MCC: variants seen among roughly 807,000 people sequenced by gnomAD.
MCC encodes the protein colorectal mutant cancer protein.
A neutral mutation model predicts 116.2 loss-of-function variants in MCC; 90 were observed. The ratio of observed to expected loss-of-function variants is 0.77; its 90% CI spans 0.65 to 0.92. The LOEUF is 0.92. Ranked by LOEUF, MCC falls within the 40% of genes least tolerant of loss-of-function variation. The pLI is 0.00. For synonymous variants in MCC, 578 were observed against 510.5 expected (o/e 1.13, Z -1.78); for missense variants, 1,516 against 1,312.2 (o/e 1.16, Z -2.40).
chr5:113,248,832 C>CTTTTTTTTTTTTTT (rs1269527611), intron 3 of MCC, among the ~76,000 whole-genome samples: 162 of 138,178 alleles, frequency 1.2e-3, no homozygotes, highest in Admixed American at 1.7e-3. Flanking sequence ...TCTCTCTCTT[C>CTTTTTTTTTTTTTT]TTTTTTTTTT....
At chr5:113,295,069 C>T (rs1009730077) in intron 3 of MCC, 10 of 406,986 alleles carry the variant, frequency 2.5e-5, no homozygotes, top group Non-Finnish European at 2.6e-5. Flanking sequence ...GCTGGGAGAG[C>T]AGAGCAGGCA....
rs777544205 is a variant in MCC at position 113,434,867 on chromosome 5, G to A, written c.171-49655C>T. 1 of 1,590,220 alleles carries A rather than the reference G, an allele frequency of 6.3e-7. No individual in the cohort carries two copies. On this transcript the variant is annotated intron_variant, in intron 1 of 18. Coordinates refer to ENST00000408903, the MANE Select transcript of MCC (RefSeq NM_001085377.2). The surrounding 1 kb of genome is among the most constrained non-coding windows in gnomAD (Gnocchi z 4.2). The stretch of plus-strand genomic sequence containing the variant: ...TGCCAGGAATGCCCAGTGCCTCTGA[G>A]GCTGCCCTCTACAGCCCCGAGGCGC...
At chr5:113,365,241 G>A (rs1768657849) in intron 2 of MCC, among the ~76,000 whole-genome samples, 1 of 152,104 alleles carries the variant, frequency 6.6e-6, no homozygotes, top group Admixed American at 6.5e-5. Flanking sequence ...CATCTTGAAT[G>A]CCTTGTTGCT....
intron 11 of MCC, among the ~76,000 whole-genome samples, chr5:113,075,175 C>T (rs1373037158): frequency 6.6e-6 from 1 of 152,230 alleles, no homozygotes; most frequent in African/African-American, 2.4e-5. Flanking sequence ...GGGCTTAGCA[C>T]CCGGGCCAGC....
intron 3 of MCC, among the ~76,000 whole-genome samples, chr5:113,212,670 C>CCATTT (rs373838311): frequency 7.2e-5 from 11 of 152,326 alleles, no homozygotes; most frequent in African/African-American, 2.6e-4. Flanking sequence ...CACTTCCCAA[C>CCATTT]CTCTTAAGCC....
intron 2 of MCC, among the ~76,000 whole-genome samples, chr5:113,357,570 T>C (rs6594706): frequency 0.19 from 28,846 of 152,026 alleles, 3,022 homozygotes; most frequent in Non-Finnish European, 0.24. Flanking sequence ...AGTCTCCCAA[T>C]AGACAGAAAA....
chr5:113,239,279 C>T (rs1327615435), intron 3 of MCC, among the ~76,000 whole-genome samples: 1 of 152,054 alleles, frequency 6.6e-6, no homozygotes, highest in African/African-American at 2.4e-5. Flanking sequence ...TGGGGACGGC[C>T]CCAGGAATAA....
At chr5:113,456,909 T>C (rs2150423131) in intron 1 of MCC, among the ~76,000 whole-genome samples, 1 of 152,198 alleles carries the variant, frequency 6.6e-6, no homozygotes, top group East Asian at 1.9e-4. Context: ...AGATTTGGGG[T>C]GCCTAACCTC....
intron 11 of MCC, 34 bp from the exon 12 acceptor site, chr5:113,071,268 G>T (rs1309996641): frequency 6.2e-7 from 1 of 1,600,066 alleles, no homozygotes; most frequent in Admixed American, 1.7e-5. Flanking sequence ...TCACACTAGG[G>T]TTACAGTTAA....
At chr5:113,221,652 C>T (rs1324007914) in intron 3 of MCC, among the ~76,000 whole-genome samples, 1 of 152,226 alleles carries the variant, frequency 6.6e-6, no homozygotes, top group Non-Finnish European at 1.5e-5. Flanking sequence ...CTCCATGGAT[C>T]AGCTGGCACC....
chr5:113,192,100 G>C (rs1020742378), intron 3 of MCC, among the ~76,000 whole-genome samples: 1 of 152,140 alleles, frequency 6.6e-6, no homozygotes. Flanking sequence ...CACTTTTTGA[G>C]CTTAGATCTC....
chr5:113,108,016 C>T (rs1756848878), intron 6 of MCC, among the ~76,000 whole-genome samples: 1 of 152,098 alleles, frequency 6.6e-6, no homozygotes, highest in South Asian at 2.1e-4. Flanking sequence ...AGGCCACTGC[C>T]CCACCTCTCT....
chr5:113,139,153 C>T (rs544797723), intron 5 of MCC, among the ~76,000 whole-genome samples: 76 of 152,244 alleles, frequency 5.0e-4, no homozygotes, highest in African/African-American at 1.8e-3. Context: ...ACCAAGCCCA[C>T]TTCGACTCTG....
intron 11 of MCC, among the ~76,000 whole-genome samples, chr5:113,072,030 A>C (rs1302674624): frequency 6.6e-6 from 1 of 152,240 alleles, no homozygotes. Context: ...CAAAGTTAGC[A>C]AACAAATGAA....
At chr5:113,116,486 G>T (rs1345239854) in intron 6 of MCC, among the ~76,000 whole-genome samples, 2 of 152,176 alleles carry the variant, frequency 1.3e-5, no homozygotes, top group Admixed American at 1.3e-4. Context: ...TAAAAGACAT[G>T]GTCTATTTAG....
chr5:113,084,099 A>C lies in MCC; in HGVS notation c.1635+2T>G, dbSNP rs1344374872. On this transcript the variant is annotated splice_donor_variant, in intron 10 of 18. Coordinates refer to ENST00000408903, the MANE Select transcript of MCC (RefSeq NM_001085377.2). LOFTEE classifies it high-confidence loss of function. Reference sequence around the variant, plus strand: ...CTTGCCTTGCTTCTCATGAACACTCACCCCTATGCTACTGATTTCTGAGCC... The same window carrying C: ...CTTGCCTTGCTTCTCATGAACACTCCCCCCTATGCTACTGATTTCTGAGCC... 6.2e-7 allele frequency: 1 copy of C among 1,613,188 alleles called. No homozygotes were observed. The highest frequency in any genetic ancestry group is 1.1e-5 in the South Asian group (1 of 90,978).
At chr5:113,122,489 G>T (rs146663228) in intron 6 of MCC, among the ~76,000 whole-genome samples, 195 bp downstream of exon 6, 39 of 152,326 alleles carry the variant, frequency 2.6e-4, no homozygotes, top group African/African-American at 9.1e-4. Context: ...AATCACAATT[G>T]TATCAGAGCA....
At position 113,447,022 on chromosome 5, in the gene MCC, T is replaced by G. The variant is rs539621686; in HGVS notation, c.170+41223A>C. On this transcript the variant is annotated intron_variant, in intron 1 of 18. Coordinates refer to ENST00000408903, the MANE Select transcript of MCC (RefSeq NM_001085377.2). ...CAACCCTCCCCTCATCTTCCTTTCC[T>G]CATCTCTAATTGACCCTTTCTCCCT... Among the ~76,000 whole-genome samples the G allele has an allele frequency of 2.6e-5, 4 of 152,302 alleles. No homozygotes were observed. The South Asian group carries it at 8.3e-4, about 32-fold the overall frequency.
At position 113,158,796 on chromosome 5, in the gene MCC, A is replaced by C. The variant is rs548588999; in HGVS notation, c.628-7374T>G. Reference sequence around the variant, plus strand: ...AACTGCAATTACTTTTTCCAACCTAACAGTACCGGAGATAATAACACACAA... The same window carrying C: ...AACTGCAATTACTTTTTCCAACCTACCAGTACCGGAGATAATAACACACAA... On this transcript the variant is annotated intron_variant, in intron 3 of 18. Transcript: ENST00000408903. Among the ~76,000 whole-genome samples the C allele has an allele frequency of 2.2e-4, 34 of 152,346 alleles. No individual in the cohort carries two copies. The South Asian group carries it at 5.8e-3, about 26-fold the overall frequency.
Sources: gnomAD v4.1 joint callset for allele counts (sites outside exome capture counted in the v4.1 genomes callset) on GRCh38, gnomAD v4.1.1 for gene constraint, Gnocchi (gnomAD v3.1) non-coding constraint, MANE v1.5 for transcripts, NCBI Gene and HGNC (gene_info 2026-07-23, HGNC 2026-07-21) for gene names.